The following ANO1 variants were observed in gnomAD, a reference collection of about 807,000 sequenced individuals.
ANO1 encodes the protein anoctamin 1.
Under a neutral mutation model 124.0 loss-of-function variants are expected in ANO1, and 59 were observed. That is an observed-to-expected ratio of 0.48 (90% CI 0.39 to 0.59). The LOEUF (loss-of-function observed/expected upper bound fraction) is 0.59. Ranked by LOEUF, ANO1 falls within the 20% of genes least tolerant of loss-of-function variation. The pLI is 0.00. For missense variants in ANO1, 1,059 were observed against 1,328.0 expected, an observed-to-expected ratio of 0.80 and a Z score of 3.15; for synonymous variants, 529 against 532.0, an observed-to-expected ratio of 0.99 and a Z score of 0.08.
intron 1 of ANO1, among the ~76,000 whole-genome samples, chr11:70,079,647 C>T (rs2044144497): frequency 6.6e-6 from 1 of 152,134 alleles, no homozygotes; most frequent in Non-Finnish European, 1.5e-5. Context: ...GACAGAAGCT[C>T]CCTTCTACCT....
intron 1 of ANO1, among the ~76,000 whole-genome samples, chr11:70,041,250 C>T (rs1319160505): frequency 1.3e-5 from 2 of 152,144 alleles, no homozygotes; most frequent in Admixed American, 1.3e-4. Context: ...CAGTTGCAAA[C>T]AGGAGAGGGC....
intron 1 of ANO1, among the ~76,000 whole-genome samples, chr11:70,007,418 A>G (rs1359921578): frequency 3.3e-5 from 5 of 151,900 alleles, no homozygotes; most frequent in Non-Finnish European, 7.4e-5. Flanking sequence ...CTGGGACTAC[A>G]AGTGCCTGCC....
At position 70,010,179 on chromosome 11, in the gene ANO1, G is replaced by GTGTATA; in HGVS notation, c.58+24014_58+24015insGTATAT. ...TGTGTGTGTGTGCGCGTGTGTGTGT[G>GTGTATA]TATATATATATATATATATCACATT... On this transcript the variant is annotated intron_variant, in intron 1 of 27. Coordinates refer to the ANO1 transcript ENST00000531349. 1.6e-3 allele frequency among the ~76,000 whole-genome samples: 135 copies of GTGTATA among 83,808 alleles called. 6 individuals are homozygous for GTGTATA. The South Asian group carries it at 0.028, about 17-fold the overall frequency. The allele number at this position is 83,808 out of a possible 152,430, so 55.0% of individuals were successfully genotyped here.
At position 70,035,567 on chromosome 11, in the gene ANO1, C is replaced by T. The variant is rs1319731906; in HGVS notation, c.59-42975C>T. On this transcript the variant is annotated intron_variant, in intron 1 of 27. Transcript: ENST00000531349. ...TAAGTTCTGGGATACATATGCAGAACGTGCAGGTTTGTTACATAGGTATAC... is the reference window on the plus strand; with the variant it reads ...TAAGTTCTGGGATACATATGCAGAATGTGCAGGTTTGTTACATAGGTATAC... Among the ~76,000 whole-genome samples the T allele has an allele frequency of 3.4e-5, 5 of 148,674 alleles. No homozygotes were observed. In the East Asian group the frequency reaches 9.0e-4, roughly 27 times the overall value.
chr11:70,075,335 C>T (rs191595745), upstream of ANO1: 45 of 152,304 alleles, frequency 3.0e-4, no homozygotes, highest in African/African-American at 1.0e-3. Context: ...ATGCTTGCAT[C>T]CCCGGTGACT....
At chr11:70,078,811 G>A (rs144393765) in intron 1 of ANO1, 97 bp downstream of exon 1, 78,304 of 719,470 alleles carry the variant, frequency 0.11, 4,874 homozygotes, top group Admixed American at 0.19. Context: ...TGGGACCCCA[G>A]GGCGGGGGCC....
At chr11:70,095,311 A>AAGGAAGGAAG (rs2044841187) in intron 2 of ANO1, among the ~76,000 whole-genome samples, 1 of 81,758 alleles carries the variant, frequency 1.2e-5, no homozygotes, top group African/African-American at 4.4e-5. Context: ...AAAGAAAGAA[A>AAGGAAGGAAG]GAAAGAAAGG....
chr11:70,017,616 G>A (rs557982132), intron 1 of ANO1, among the ~76,000 whole-genome samples: 2 of 151,626 alleles, frequency 1.3e-5, no homozygotes, highest in Non-Finnish European at 2.9e-5. Context: ...CCAAGCTCAA[G>A]GGAGCCTCCC....
At chr11:70,159,549 C>T (rs576925242) in intron 16 of ANO1, among the ~76,000 whole-genome samples, 13 of 152,210 alleles carry the variant, frequency 8.5e-5, no homozygotes, top group Non-Finnish European at 1.5e-4. Flanking sequence ...TTTCATTCAG[C>T]GAACAAACGT....
In ANO1 at chr11:70,111,731, G is replaced by A; in HGVS notation, c.824G>A (p.Gly275Asp). The change falls in exon 7 of 26, where the codon GGT (glycine) becomes GAT (aspartate). Residue 275 changes from glycine (G) to aspartate (D), a missense_variant. By Grantham distance (94) the Gly-to-Asp change is moderately conservative (BLOSUM62 -1). Transcript: ENST00000355303. ...GGCATCACGAGCCTGCTGGCCAATG[G>A]TGTGTACGCGGCTGCATACCCACTG... The part of the protein sequence containing the change: ...SMGITSLLAN[G>D]VYAAAYPLHD... 1 of 1,614,014 alleles carries A rather than the reference G, an allele frequency of 6.2e-7. No homozygotes were observed. Among genetic ancestry groups the A allele is most frequent in the Non-Finnish European group, 8.5e-7 (1 of 1,179,898 alleles).
At chr11:69,995,938 C>A (rs1169772743) in intron 1 of ANO1, among the ~76,000 whole-genome samples, 1 of 152,104 alleles carries the variant, frequency 6.6e-6, no homozygotes, top group Non-Finnish European at 1.5e-5. Flanking sequence ...AGAGCGAAAC[C>A]CTGTATCTAC....
chr11:70,181,348 G>A (rs1430377841), intron 23 of ANO1, among the ~76,000 whole-genome samples: 2 of 152,166 alleles, frequency 1.3e-5, no homozygotes, highest in African/African-American at 4.8e-5. Context: ...ACTCAGCCCC[G>A]GAGAAGGGCC....
intron 4 of ANO1, 121 bp from the exon 5 acceptor site, chr11:70,105,613 G>A: frequency 2.2e-6 from 2 of 921,036 alleles, no homozygotes; most frequent in South Asian, 2.8e-5. Flanking sequence ...CGTGCGGACA[G>A]AGTTCTGTCC....
rs9666157 is a variant in ANO1 at position 70,111,811 on chromosome 11, A to C, written c.855+49A>C. The stretch of plus-strand genomic sequence containing the variant: ...TATCTCTGCGTCATTTGACTCCCCA[A>C]ATCCCGCCGGGCCACACCCCCCCGG... On this transcript the variant is annotated intron_variant, in intron 7 of 25. Coordinates refer to ENST00000355303, the MANE Select transcript of ANO1 (RefSeq NM_018043.7). 1.2e-5 allele frequency: 19 copies of C among 1,595,194 alleles called. No homozygotes were observed. The East Asian group carries it at 2.5e-4, about 21-fold the overall frequency.
At chr11:70,039,638 T>TACCTCCCCTTCCGCAGGTAGTAGTCCC (rs1857151307) in intron 1 of ANO1, among the ~76,000 whole-genome samples, 2 of 151,564 alleles carry the variant, frequency 1.3e-5, no homozygotes, top group African/African-American at 4.8e-5. Flanking sequence ...GTGGTAGTCC[T>TACCTCCCCTTCCGCAGGTAGTAGTCCC]ACCTCCCCTT....
At chr11:70,179,914 C>A in intron 22 of ANO1, 90 bp from the exon 23 acceptor site, 2 of 1,238,014 alleles carry the variant, frequency 1.6e-6, no homozygotes, top group South Asian at 1.2e-5. Flanking sequence ...CTGGCCCCTG[C>A]AAGGGTGGTA....
At position 70,173,534 on chromosome 11, in the gene ANO1, C is replaced by T. The variant is rs144145848; in HGVS notation, c.2350+2495C>T. 2.0e-5 allele frequency among the ~76,000 whole-genome samples: 3 copies of T among 152,320 alleles called. No individual in the cohort carries two copies. In the East Asian group the frequency reaches 5.8e-4, roughly 29 times the overall value. On this transcript the variant is annotated intron_variant, in intron 22 of 25. Coordinates refer to ENST00000355303, the MANE Select transcript of ANO1 (RefSeq NM_018043.7). ...GTCTGCTGAGGCCACGGGTGAGCCC[C>T]TTGCCCCTCATACCACAGCCCTCCA...
rs542591549 is a variant in ANO1, at chr11:70,153,450, C to G, written c.1425+322C>G. On this transcript the variant is annotated intron_variant, in intron 14 of 25. Transcript: ENST00000355303. ...TCCTGAGGGTGATCTCAAGTTTTAG[C>G]CAGCATTTCAACCACAGGAACCACG... Among the ~76,000 whole-genome samples the G allele has an allele frequency of 1.6e-4, 25 of 152,314 alleles. No individual in the cohort carries two copies. In the Middle Eastern group the frequency reaches 0.014, roughly 83 times the overall value.
At chr11:69,989,152 C>T (rs976683658) in intron 1 of ANO1, among the ~76,000 whole-genome samples, 5 of 151,862 alleles carry the variant, frequency 3.3e-5, no homozygotes, top group Non-Finnish European at 5.9e-5. Context: ...TGTTTCCCCC[C>T]ATTTATGTTG....
Sources: allele counts gnomAD v4.1 joint callset (sites outside exome capture counted in the v4.1 genomes callset), GRCh38; gene constraint gnomAD v4.1.1; transcripts MANE v1.5; gene names NCBI Gene and HGNC (gene_info 2026-07-23, HGNC 2026-07-21).